The following SPOCK3 variants were observed in gnomAD, a reference collection of about 807,000 sequenced individuals.
SPOCK3 encodes SPARC (osteonectin), cwcv and kazal like domains proteoglycan 3.
A neutral mutation model predicts 56.6 loss-of-function variants in SPOCK3; 30 were observed. The observed-to-expected ratio is 0.53, with a 90% CI of 0.40 to 0.72. SPOCK3 has a LOEUF of 0.72. SPOCK3 is among the 30% of genes least tolerant of loss of function. The pLI is 0.00. For missense variants in SPOCK3, 527 were observed against 530.0 expected, an observed-to-expected ratio of 0.99 and a Z score of 0.06; for synonymous variants, 196 against 183.3, an observed-to-expected ratio of 1.07 and a Z score of -0.56.
chr4:167,176,996 G>A lies in SPOCK3; in HGVS notation c.189+56989C>T, dbSNP rs1397545502. On this transcript the variant is annotated intron_variant, in intron 2 of 10. Coordinates refer to ENST00000357545, the MANE Select transcript of SPOCK3 (RefSeq NM_001040159.2). ...ATCAGTTGATGAAGATGACAGACAGGGCTATTTTTTCAAGATAGCCCCAAT... is the reference window on the plus strand; with the variant it reads ...ATCAGTTGATGAAGATGACAGACAGAGCTATTTTTTCAAGATAGCCCCAAT... Among the ~76,000 whole-genome samples, 4 of 152,048 alleles carry A rather than the reference G, an allele frequency of 2.6e-5. No homozygotes were observed. In the East Asian group the frequency reaches 7.7e-4, roughly 29 times the overall value.
chr4:167,210,026 G>A (rs1370965888), intron 2 of SPOCK3, among the ~76,000 whole-genome samples: 1 of 152,088 alleles, frequency 6.6e-6, no homozygotes, highest in Admixed American at 6.6e-5. Flanking sequence ...TGTCAAGGAG[G>A]CAATTGTAGG....
At chr4:167,039,169 T>A (rs1233482091) in intron 3 of SPOCK3, among the ~76,000 whole-genome samples, 1 of 152,208 alleles carries the variant, frequency 6.6e-6, no homozygotes, top group Non-Finnish European at 1.5e-5. Context: ...CCCCAATCTC[T>A]GCTGCTGTCA....
At chr4:166,744,522 T>G (rs1335934320) in intron 8 of SPOCK3, among the ~76,000 whole-genome samples, 1 of 151,662 alleles carries the variant, frequency 6.6e-6, no homozygotes, top group East Asian at 1.9e-4. Context: ...ACCAGAAAGA[T>G]GGGAAGAAAC....
At chr4:167,125,407 G>A (rs1169597909) in intron 2 of SPOCK3, among the ~76,000 whole-genome samples, 2 of 148,478 alleles carry the variant, frequency 1.3e-5, no homozygotes, top group Non-Finnish European at 3.0e-5. Flanking sequence ...AAATAAAACG[G>A]TGCTTAAAAA....
chr4:166,997,473 G>A (rs181470637), intron 4 of SPOCK3, among the ~76,000 whole-genome samples: 11 of 152,184 alleles, frequency 7.2e-5, no homozygotes, highest in Middle Eastern at 6.8e-3. Context: ...AGAAAATAAT[G>A]TTTAAACCTA....
chr4:166,935,795 G>C (rs902408563), intron 4 of SPOCK3, among the ~76,000 whole-genome samples: 1 of 152,128 alleles, frequency 6.6e-6, no homozygotes, highest in Non-Finnish European at 1.5e-5. Flanking sequence ...AAGACATGAC[G>C]GTGGTCTAAA....
rs1178202299 is a variant in SPOCK3 at position 166,854,454 on chromosome 4, A to T, written c.589+34676T>A. On this transcript the variant is annotated intron_variant, in intron 6 of 10. Transcript: ENST00000357545. ...ACTGAACAGAATAATTAAGAAATACACAAATAGCTACAATAAATTGGATTC... is the reference window on the plus strand; with the variant it reads ...ACTGAACAGAATAATTAAGAAATACTCAAATAGCTACAATAAATTGGATTC... Among the ~76,000 whole-genome samples, 3 of 152,352 alleles carry T rather than the reference A, an allele frequency of 2.0e-5. No individual in the cohort carries two copies. In the East Asian group the frequency reaches 5.8e-4, roughly 29 times the overall value.
At chr4:167,156,867 AGACAATTACTTAAACTG>A (rs1483898038) in intron 2 of SPOCK3, among the ~76,000 whole-genome samples, 2 of 152,194 alleles carry the variant, frequency 1.3e-5, no homozygotes, top group African/African-American at 4.8e-5. Flanking sequence ...ATTTAAAGAA[AGACAATTACTTAAACTG>A]GAATTAGGCC....
chr4:166,979,771 C>T (rs1386905723), intron 4 of SPOCK3, among the ~76,000 whole-genome samples: 3 of 152,146 alleles, frequency 2.0e-5, no homozygotes, highest in Non-Finnish European at 4.4e-5. Flanking sequence ...ATGTTCTCAT[C>T]AATTTCCATG....
chr4:166,925,514 G>A (rs767448434), intron 4 of SPOCK3, among the ~76,000 whole-genome samples: 2 of 152,024 alleles, frequency 1.3e-5, no homozygotes, highest in Admixed American at 6.6e-5. Flanking sequence ...GGGTAAATTT[G>A]TTATAGCATT....
At chr4:167,145,361 T>C (rs1490357938) in intron 2 of SPOCK3, among the ~76,000 whole-genome samples, 1 of 152,062 alleles carries the variant, frequency 6.6e-6, no homozygotes, top group Non-Finnish European at 1.5e-5. Flanking sequence ...CTGTTAGATA[T>C]ATTAGTAGTG....
At chr4:167,079,048 C>A (rs1757475641) in intron 2 of SPOCK3, among the ~76,000 whole-genome samples, 1 of 151,212 alleles carries the variant, frequency 6.6e-6, no homozygotes, top group South Asian at 2.1e-4. Flanking sequence ...TTATTCTTTG[C>A]ATCTCCAAAT....
chr4:166,978,535 A>T (rs1746217355), intron 4 of SPOCK3, among the ~76,000 whole-genome samples: 1 of 152,202 alleles, frequency 6.6e-6, no homozygotes, highest in Non-Finnish European at 1.5e-5. Flanking sequence ...TCTCCAATAC[A>T]TGGAGAAAAG....
At chr4:166,856,525 C>G (rs1730686192) in intron 6 of SPOCK3, among the ~76,000 whole-genome samples, 1 of 152,032 alleles carries the variant, frequency 6.6e-6, no homozygotes, top group Non-Finnish European at 1.5e-5. Flanking sequence ...GCTGTAATCC[C>G]AGTACTTTGG....
chr4:166,907,752 C>T (rs1484185918), intron 5 of SPOCK3, among the ~76,000 whole-genome samples: 2 of 151,978 alleles, frequency 1.3e-5, no homozygotes, highest in Admixed American at 1.3e-4. Context: ...CTTTTAAGTT[C>T]CTTTTAAATT....
intron 5 of SPOCK3, among the ~76,000 whole-genome samples, chr4:166,898,040 A>T (rs558000776): frequency 6.7e-6 from 1 of 149,724 alleles, no homozygotes; most frequent in South Asian, 2.1e-4. Flanking sequence ...AAAAATAAAA[A>T]TAAAAAAAAA....
chr4:166,903,870 G>A (rs945587204), intron 5 of SPOCK3, among the ~76,000 whole-genome samples: 1 of 151,730 alleles, frequency 6.6e-6, no homozygotes. Context: ...TGTGATTGTG[G>A]GAAGAATATA....
intron 2 of SPOCK3, among the ~76,000 whole-genome samples, chr4:167,100,706 G>T (rs1396557250): frequency 2.0e-5 from 3 of 151,992 alleles, no homozygotes; most frequent in African/African-American, 7.2e-5. Context: ...CTATTTTATT[G>T]TATGCTAATT....
intron 2 of SPOCK3, among the ~76,000 whole-genome samples, chr4:167,207,627 T>G (rs1371219739): frequency 6.6e-6 from 1 of 152,150 alleles, no homozygotes; most frequent in Non-Finnish European, 1.5e-5. Context: ...TTCTAATATC[T>G]CATTTTAAAT....
Sources: gnomAD v4.1 joint callset for allele counts (sites outside exome capture counted in the v4.1 genomes callset) on GRCh38, gnomAD v4.1.1 for gene constraint, MANE v1.5 for transcripts, NCBI Gene and HGNC (gene_info 2026-07-23, HGNC 2026-07-21) for gene names.